RNF150: variants seen among roughly 807,000 people sequenced by gnomAD.
RNF150 encodes the protein ring finger protein 150.
Under a neutral mutation model 39.3 loss-of-function variants are expected in RNF150, and 24 were observed. The ratio of observed to expected loss-of-function variants is 0.61; its 90% CI spans 0.44 to 0.86. RNF150 has a LOEUF of 0.86. Among genes scored for constraint, RNF150 ranks in the 40% least tolerant of loss-of-function variants. The probability of loss-of-function intolerance (pLI) is 0.00; values close to 1 mark genes in which losing one functional copy is unlikely to be tolerated. For missense variants in RNF150, 502 were observed against 587.8 expected (o/e 0.85, Z 1.51); for synonymous variants, 255 against 227.3 (o/e 1.12, Z -1.10).
chr4:141,087,945 T>C lies in RNF150; in HGVS notation c.484+44380A>G, dbSNP rs372231769. 1.0e-3 allele frequency among the ~76,000 whole-genome samples: 157 copies of C among 152,272 alleles called. 2 individuals are homozygous for C. Among genetic ancestry groups the C allele is most frequent in the African/African-American group, 3.5e-3 (144 of 41,560 alleles). ...CCCAGCAGTGGCGGGCAATGTCCCT[T>C]CATTTGAGGACATGTGCCTGCCCTT... On this transcript the variant is annotated intron_variant, in intron 1 of 6. Coordinates refer to ENST00000515673, the MANE Select transcript of RNF150 (RefSeq NM_020724.2).
Position 140,971,843 on chromosome 4 carries a change from G to C in RNF150, c.485-3970C>G, listed in dbSNP as rs191424486. ...TTGTATTAATAAAATATCTAGAATA[G>C]CAGTACAGTGCTAGACATTTCACAA... is the stretch of plus-strand genomic sequence containing the variant. On this transcript the variant is annotated intron_variant, in intron 1 of 6. Coordinates refer to ENST00000515673, the MANE Select transcript of RNF150 (RefSeq NM_020724.2). Among the ~76,000 whole-genome samples, 34 of 152,192 alleles carry C rather than the reference G, an allele frequency of 2.2e-4. 1 individual carries two copies. In the East Asian group the frequency reaches 6.4e-3, roughly 29 times the overall value.
chr4:140,954,058 G>C (rs1250572674), intron 2 of RNF150, among the ~76,000 whole-genome samples: 1 of 152,212 alleles, frequency 6.6e-6, no homozygotes, highest in Non-Finnish European at 1.5e-5. Flanking sequence ...GCAGAGTAAA[G>C]TGATGCTAAT....
At chr4:141,186,196 C>A (rs968286922) in intron 1 of RNF150, among the ~76,000 whole-genome samples, 1 of 152,140 alleles carries the variant, frequency 6.6e-6, no homozygotes, top group South Asian at 2.1e-4. Context: ...TTTATTACTG[C>A]CTCAATTTCA....
chr4:140,878,400 G>C (rs1042290575), intron 6 of RNF150, among the ~76,000 whole-genome samples: 1 of 151,882 alleles, frequency 6.6e-6, no homozygotes, highest in African/African-American at 2.4e-5. Flanking sequence ...CAACCTCCTG[G>C]TCTCAAGTTG....
intron 1 of RNF150, among the ~76,000 whole-genome samples, chr4:141,205,742 C>G (rs1280527047): frequency 6.6e-6 from 1 of 152,170 alleles, no homozygotes; most frequent in Non-Finnish European, 1.5e-5. Context: ...TTTCTAGCTT[C>G]TAAGGGGCAA....
At position 140,933,331 on chromosome 4, in the gene RNF150, A is replaced by G. The variant is rs1402628390; in HGVS notation, c.891-7258T>C. ...AAAAAGAAGGGATTTACATAACTCA[A>G]CATATAGAAGAAGCAAAAGTTGAGT... On this transcript the variant is annotated intron_variant, in intron 4 of 6. Transcript: ENST00000515673. 2.6e-5 allele frequency among the ~76,000 whole-genome samples: 4 copies of G among 152,216 alleles called. No homozygotes were observed. In the East Asian group the frequency reaches 7.7e-4, roughly 29 times the overall value.
At chr4:141,002,387 C>G (rs1184829927) in intron 1 of RNF150, among the ~76,000 whole-genome samples, 1 of 152,094 alleles carries the variant, frequency 6.6e-6, no homozygotes, top group Non-Finnish European at 1.5e-5. Context: ...TGATGTCAAC[C>G]CTTAATCCAT....
chr4:141,184,402 G>T (rs1273435254), intron 1 of RNF150, among the ~76,000 whole-genome samples: 2 of 152,048 alleles, frequency 1.3e-5, no homozygotes, highest in South Asian at 2.1e-4. Context: ...CTGGATATTA[G>T]CCCTTTGTCA....
intron 1 of RNF150, among the ~76,000 whole-genome samples, chr4:141,162,900 A>T (rs1319686492): frequency 6.6e-6 from 1 of 152,210 alleles, no homozygotes; most frequent in Non-Finnish European, 1.5e-5. Flanking sequence ...ACACTGAGCT[A>T]GCTGCAAGAG....
intron 1 of RNF150, among the ~76,000 whole-genome samples, chr4:141,018,099 A>C (rs1443610728): frequency 6.6e-6 from 1 of 152,216 alleles, no homozygotes; most frequent in Non-Finnish European, 1.5e-5. Context: ...CTAACTATTA[A>C]TAGAAAGCAG....
At chr4:141,197,629 A>C (rs1045012483) in intron 1 of RNF150, among the ~76,000 whole-genome samples, 2 of 152,186 alleles carry the variant, frequency 1.3e-5, no homozygotes, top group African/African-American at 4.8e-5. Context: ...CTGTAATCCC[A>C]GCACTTTGGG....
At chr4:141,200,891 T>C (rs1020048611) in intron 1 of RNF150, among the ~76,000 whole-genome samples, 15 of 152,108 alleles carry the variant, frequency 9.9e-5, no homozygotes, top group African/African-American at 3.1e-4. Context: ...GCACTAAAAG[T>C]TCCAGTACCA....
chr4:141,009,767 A>G (rs1201906313), intron 1 of RNF150, among the ~76,000 whole-genome samples: 1 of 152,060 alleles, frequency 6.6e-6, no homozygotes, highest in East Asian at 1.9e-4. Flanking sequence ...CCTACCACCA[A>G]CTTAATGTTA....
chr4:140,927,403 A>T (rs962480273), intron 4 of RNF150, among the ~76,000 whole-genome samples: 4 of 152,000 alleles, frequency 2.6e-5, no homozygotes, highest in Non-Finnish European at 4.4e-5. Flanking sequence ...GGATCATGGG[A>T]GCAGATTTCC....
At chr4:141,028,029 A>G (rs527554088) in intron 1 of RNF150, among the ~76,000 whole-genome samples, 17 of 142,838 alleles carry the variant, frequency 1.2e-4, no homozygotes, top group Middle Eastern at 4.2e-3. Flanking sequence ...ATAGCAGATG[A>G]TGGACTTCAG....
intron 1 of RNF150, chr4:141,053,768 TA>T: frequency 8.9e-7 from 1 of 1,128,312 alleles, no homozygotes. Context: ...GAAAACGAGA[TA>T]AGTGATCCAG....
At position 140,868,202 on chromosome 4, in the gene RNF150, G is replaced by T; in HGVS notation, c.*59C>A. 1.0e-6 allele frequency: 1 copy of T among 979,940 alleles called. No individual in the cohort carries two copies. Among genetic ancestry groups the T allele is most frequent in the Non-Finnish European group, 1.7e-6 (1 of 604,782 alleles). 60.7% of individuals were successfully genotyped at this position (979,940 alleles called of 1,614,324 possible). A position where few individuals can be genotyped will look rare whatever the true frequency, so the allele number is the denominator to read the frequency against. On this transcript the variant is annotated 3_prime_UTR_variant, in exon 7 of 7. Transcript: ENST00000515673. ...GTGTGTGCCTGGTCCAAGTCTTGGAGCACTCTTCCCTTCCTTTCCCTTGGG... is the reference window on the plus strand; with the variant it reads ...GTGTGTGCCTGGTCCAAGTCTTGGATCACTCTTCCCTTCCTTTCCCTTGGG...
chr4:141,064,257 G>A (rs1435841182), intron 1 of RNF150, among the ~76,000 whole-genome samples: 1 of 152,216 alleles, frequency 6.6e-6, no homozygotes, highest in Non-Finnish European at 1.5e-5. Flanking sequence ...TGGCAAAGGT[G>A]AGATCTGAAC....
intron 1 of RNF150, among the ~76,000 whole-genome samples, chr4:141,054,329 ATCAT>A (rs1438028113): frequency 6.6e-6 from 1 of 152,204 alleles, no homozygotes; most frequent in Non-Finnish European, 1.5e-5. Flanking sequence ...TACAATATGC[ATCAT>A]TTTGCACAAA....
Sources: gnomAD v4.1 joint callset for allele counts (sites outside exome capture counted in the v4.1 genomes callset) on GRCh38, gnomAD v4.1.1 for gene constraint, MANE v1.5 for transcripts, NCBI Gene and HGNC (gene_info 2026-07-23, HGNC 2026-07-21) for gene names.